PRKCE: variants seen among roughly 807,000 people sequenced by gnomAD.
PRKCE encodes the protein protein kinase C epsilon type.
In PRKCE, 16 loss-of-function variants were observed where a neutral mutation model predicts 85.4. That is an observed-to-expected ratio of 0.19 (90% CI 0.13 to 0.28). PRKCE has a LOEUF of 0.28. PRKCE is among the 10% of genes least tolerant of loss of function. PRKCE has a pLI of 1.00. For missense variants in PRKCE, 573 were observed against 975.2 expected (o/e 0.59, Z 5.49); for synonymous variants, 388 against 371.5 (o/e 1.04, Z -0.51).
At chr2:46,013,529 G>A (rs948741513) in intron 10 of PRKCE, among the ~76,000 whole-genome samples, 4 of 152,198 alleles carry the variant, frequency 2.6e-5, no homozygotes, top group Non-Finnish European at 4.4e-5. Context: ...TTTGGGAATA[G>A]CAGCTGGGTT....
intron 13 of PRKCE, among the ~76,000 whole-genome samples, chr2:46,157,550 G>A (rs1218663971): frequency 1.3e-5 from 2 of 152,192 alleles, no homozygotes; most frequent in Non-Finnish European, 2.9e-5. Flanking sequence ...AGTCAAAAAT[G>A]TTAATAGCAT....
intron 11 of PRKCE, among the ~76,000 whole-genome samples, chr2:46,117,516 G>A (rs1273861245): frequency 1.3e-5 from 2 of 152,114 alleles, no homozygotes; most frequent in Non-Finnish European, 2.9e-5. Flanking sequence ...AGAGATTTCC[G>A]GGCTCCCCAT....
intron 5 of PRKCE, among the ~76,000 whole-genome samples, chr2:45,982,478 G>A (rs979993723): frequency 1.3e-5 from 2 of 152,150 alleles, no homozygotes; most frequent in African/African-American, 4.8e-5. Context: ...CTTAGCATGC[G>A]GTGGACTCAC....
chr2:45,877,956 AT>A (rs1218949842), intron 2 of PRKCE, among the ~76,000 whole-genome samples: 1 of 152,226 alleles, frequency 6.6e-6, no homozygotes, highest in African/African-American at 2.4e-5. Context: ...TGGACTCCTC[AT>A]TCATCATGAT....
rs749649262 is a variant in PRKCE, at chr2:45,984,619, C to A, written c.762C>A (p.Thr254=). The change falls in exon 6 of 15, where the codon ACC becomes ACA. Residue 254 remains threonine, a synonymous_variant. Coordinates refer to ENST00000306156, the MANE Select transcript of PRKCE (RefSeq NM_005400.3). ...KFGIHNYKVP[T]FCDHCGSLLW... is the part of the protein sequence containing the mutation. ...GTATCCACAACTACAAGGTCCCTAC[C>A]TTCTGCGATCACTGTGGGTCCCTGC... The A allele has an allele frequency of 1.3e-6, 2 of 1,599,776 alleles. No homozygotes were observed. The highest frequency in any genetic ancestry group is 1.1e-5 in the South Asian group (1 of 91,086).
At chr2:45,731,872 T>C (rs1681608627) in intron 1 of PRKCE, among the ~76,000 whole-genome samples, 1 of 152,022 alleles carries the variant, frequency 6.6e-6, no homozygotes, top group African/African-American at 2.4e-5. Flanking sequence ...CCCAAAGTGC[T>C]AGGTTTACAG....
chr2:45,923,215 C>T (rs1490224788), intron 2 of PRKCE, among the ~76,000 whole-genome samples: 1 of 152,158 alleles, frequency 6.6e-6, no homozygotes, highest in Non-Finnish European at 1.5e-5. Context: ...CACTAAAAGT[C>T]TTCTAGAAAA....
chr2:45,999,587 G>A (rs1255468252), intron 6 of PRKCE, among the ~76,000 whole-genome samples: 1 of 151,614 alleles, frequency 6.6e-6, no homozygotes, highest in Non-Finnish European at 1.5e-5. Context: ...TTTCTTTTTG[G>A]CATTTATCCT....
chr2:45,716,621 A>G (rs1680117614), intron 1 of PRKCE, among the ~76,000 whole-genome samples: 1 of 143,976 alleles, frequency 6.9e-6, no homozygotes, highest in African/African-American at 2.6e-5. Flanking sequence ...GAAGAAGAAG[A>G]AGGAGAAGGA....
chr2:46,006,397 C>G (rs1705203090), intron 8 of PRKCE, among the ~76,000 whole-genome samples: 1 of 152,128 alleles, frequency 6.6e-6, no homozygotes, highest in Non-Finnish European at 1.5e-5. Flanking sequence ...AGCAGCTTTC[C>G]CCGTCTTCAC....
chr2:45,652,532 C>T lies in PRKCE; in HGVS notation c.348+84C>T. The T allele has an allele frequency of 7.6e-7, 1 of 1,309,690 alleles. No individual in the cohort carries two copies. The highest frequency in any genetic ancestry group is 1.0e-6 in the Non-Finnish European group (1 of 971,432). The allele number at this position is 1,309,690 out of a possible 1,614,324, so 81.1% of individuals were successfully genotyped here. The stretch of plus-strand genomic sequence containing the variant: ...CTCGCTGGTCTTGATCGTAGGGCTC[C>T]GGGACTTATTGACGACTGGGGTGTG... On this transcript the variant is annotated intron_variant, in intron 1 of 14. Transcript: ENST00000306156. This position sits in a 1 kb window ranked among gnomAD's most constrained non-coding sequence, Gnocchi z 7.7.
At chr2:45,689,753 A>G (rs548771589) in intron 1 of PRKCE, among the ~76,000 whole-genome samples, 1 of 151,982 alleles carries the variant, frequency 6.6e-6, no homozygotes, top group South Asian at 2.1e-4. Context: ...AAGATTAGCC[A>G]GGCATGGTGG....
At chr2:46,009,662 T>A (rs888233051) in intron 9 of PRKCE, among the ~76,000 whole-genome samples, 6 of 152,216 alleles carry the variant, frequency 3.9e-5, no homozygotes, top group African/African-American at 1.4e-4. Flanking sequence ...ATCTTACAAA[T>A]GTAATCCAAG....
intron 2 of PRKCE, among the ~76,000 whole-genome samples, chr2:45,967,798 T>C (rs1159923637): frequency 1.3e-5 from 2 of 152,104 alleles, no homozygotes; most frequent in Non-Finnish European, 2.9e-5. Flanking sequence ...TCCTGATAGA[T>C]AAGATAGGAA....
chr2:45,651,782 G>A lies in PRKCE; in HGVS notation c.-319G>A, dbSNP rs370856396. 545 of 223,346 alleles carry A rather than the reference G, an allele frequency of 2.4e-3. 5 individuals are homozygous for A. In the East Asian group the frequency reaches 0.025, roughly 10 times the overall value. 13.8% of individuals were successfully genotyped at this position (223,346 alleles called of 1,614,324 possible). Reference sequence around the variant, plus strand: ...CCAGCGAGGCGGCGAGGCAGCCCCCGCGGCTTGCAGCGGAGCCGACAGCTC... The same window carrying A: ...CCAGCGAGGCGGCGAGGCAGCCCCCACGGCTTGCAGCGGAGCCGACAGCTC... On this transcript the variant is annotated 5_prime_UTR_variant, in exon 1 of 15. Coordinates refer to ENST00000306156, the MANE Select transcript of PRKCE (RefSeq NM_005400.3).
intron 1 of PRKCE, among the ~76,000 whole-genome samples, chr2:45,773,966 G>GTGCTGACCGC (rs2104938478): frequency 1.3e-5 from 2 of 152,338 alleles, no homozygotes; most frequent in East Asian, 3.9e-4. Context: ...CTCTTGCTCG[G>GTGCTGACCGC]TGCTGTCCGC....
chr2:46,004,603 G>A lies in PRKCE; in HGVS notation c.1028G>A (p.Arg343Gln), dbSNP rs575191825. ...GGAAGCTCACCATCTGAGGAAGATC[G>A]ATCCAAGTCAGCACCCACCTCCCCT... ...ASGSSPSEED[R>Q]SKSAPTSPCD... is the part of the protein sequence containing the mutation. Residue 343 changes from arginine (R) to glutamine (Q), a missense_variant, in exon 8 of 15, where the codon CGA (arginine) becomes CAA (glutamine). By Grantham distance (43) the Arg-to-Gln change is conservative. Coordinates refer to ENST00000306156, the MANE Select transcript of PRKCE (RefSeq NM_005400.3). This position sits in a 1 kb window ranked among gnomAD's most constrained non-coding sequence, Gnocchi z 4.1. The A allele has an allele frequency of 1.1e-5, 17 of 1,591,124 alleles. No homozygotes were observed. The highest frequency in any genetic ancestry group is 5.3e-5 in the African/African-American group (4 of 74,884).
intron 2 of PRKCE, among the ~76,000 whole-genome samples, chr2:45,946,929 G>T (rs189781110): frequency 6.6e-6 from 1 of 152,326 alleles, no homozygotes; most frequent in East Asian, 1.9e-4. Context: ...TCCAAGAACT[G>T]CTGACTGATG....
chr2:46,027,436 G>A (rs759486304), intron 10 of PRKCE, among the ~76,000 whole-genome samples: 1 of 152,182 alleles, frequency 6.6e-6, no homozygotes, highest in African/African-American at 2.4e-5. Flanking sequence ...ATTAAAGAGA[G>A]TTAAAGGGGT....
Sources: allele counts gnomAD v4.1 joint callset (sites outside exome capture counted in the v4.1 genomes callset), GRCh38; gene constraint gnomAD v4.1.1; non-coding constraint Gnocchi (gnomAD v3.1); transcripts MANE v1.5; gene names NCBI Gene and HGNC (gene_info 2026-07-23, HGNC 2026-07-21).